The following NPFFR2 variants were observed in gnomAD, a reference collection of about 807,000 sequenced individuals.
NPFFR2 encodes the protein neuropeptide FF receptor 2.
A neutral mutation model predicts 13.1 loss-of-function variants in NPFFR2; 15 were observed. That is an observed-to-expected ratio of 1.15 (90% CI 0.77 to 1.76). The LOEUF is 1.76. Among genes scored for constraint, NPFFR2 ranks in the 40% most tolerant of loss-of-function variants. The pLI is 0.00. For missense variants in NPFFR2, 572 were observed against 503.5 expected (o/e 1.14, Z -1.30); for synonymous variants, 190 against 175.7 (o/e 1.08, Z -0.65).
chr4:72,115,635 T>A (rs991850421), intron 1 of NPFFR2, among the ~76,000 whole-genome samples: 2 of 152,164 alleles, frequency 1.3e-5, no homozygotes, highest in Admixed American at 1.3e-4. Flanking sequence ...GTAATTCTGA[T>A]CTTGGAGCCA....
chr4:72,105,934 G>A (rs1304986371), intron 1 of NPFFR2, among the ~76,000 whole-genome samples: 1 of 151,966 alleles, frequency 6.6e-6, no homozygotes, highest in Non-Finnish European at 1.5e-5. Context: ...TTCAGCTAAA[G>A]CCCCAAGACT....
chr4:72,088,614 G>A (rs1166439311), intron 1 of NPFFR2, among the ~76,000 whole-genome samples: 1 of 151,956 alleles, frequency 6.6e-6, no homozygotes, highest in Non-Finnish European at 1.5e-5. Context: ...AGCTAGGGAG[G>A]CTTCAGGAAA....
At chr4:72,136,644 G>GGGC (rs201244169) in intron 2 of NPFFR2, among the ~76,000 whole-genome samples, 2,067 of 152,262 alleles carry the variant, frequency 0.014, 37 homozygotes, top group African/African-American at 0.047. Context: ...TAGGAATGTA[G>GGGC]GGCTGGCTGT....
rs182469138 is a variant in NPFFR2 at position 72,120,891 on chromosome 4, A to C, written c.-7-7694A>C. Among the ~76,000 whole-genome samples, 768 of 152,286 alleles carry C rather than the reference A, an allele frequency of 5.0e-3. 6 individuals carry two copies. Among genetic ancestry groups the C allele is most frequent in the African/African-American group, 0.018 (738 of 41,562 alleles). On this transcript the variant is annotated intron_variant, in intron 1 of 3. Transcript: ENST00000308744. ...CCAGCAAAGGAACAAAACTGGATGG[A>C]GAATGAGTTTGACAAATTGACAGAA...
rs1722153075 is a variant in NPFFR2, at chr4:72,128,888, G to A, written c.297G>A (p.Met99Ile). Residue 99 changes from methionine (M) to isoleucine (I), a missense_variant, in exon 2 of 4, where the codon ATG becomes ATA. Transcript: ENST00000308744. The stretch of plus-strand genomic sequence containing the variant: ...ATTTACTAGTTGGCATATTCTGCAT[G>A]CCTATAACACTGCTGGACAATATTA... Reference protein sequence around the residue: ...ISDLLVGIFCMPITLLDNIIA... With the variant: ...ISDLLVGIFCIPITLLDNIIA... The A allele has an allele frequency of 1.2e-6, 2 of 1,613,592 alleles. No individual in the cohort carries two copies. The highest frequency in any genetic ancestry group is 1.7e-6 in the Non-Finnish European group (2 of 1,179,600).
At chr4:72,095,101 T>A (rs1560409607) in intron 1 of NPFFR2, among the ~76,000 whole-genome samples, 2 of 152,168 alleles carry the variant, frequency 1.3e-5, no homozygotes, top group African/African-American at 4.8e-5. Flanking sequence ...GTTAATGAAT[T>A]TTTTTTGAAA....
At chr4:72,087,715 G>GTCT (rs1720807713) in intron 1 of NPFFR2, among the ~76,000 whole-genome samples, 1 of 152,044 alleles carries the variant, frequency 6.6e-6, no homozygotes, top group Admixed American at 6.6e-5. Context: ...CTGCTTTTTA[G>GTCT]AAAGGAGTGG....
intron 1 of NPFFR2, among the ~76,000 whole-genome samples, chr4:72,080,580 C>T (rs1200879885): frequency 6.6e-6 from 1 of 152,100 alleles, no homozygotes; most frequent in Non-Finnish European, 1.5e-5. Context: ...TTTATTTTCT[C>T]ACAGTGACAT....
intron 1 of NPFFR2, among the ~76,000 whole-genome samples, chr4:72,045,623 G>C (rs1029313786): frequency 6.6e-6 from 1 of 152,146 alleles, no homozygotes; most frequent in African/African-American, 2.4e-5. Flanking sequence ...GCTTAGCCTA[G>C]CCTACCAGAA....
chr4:72,085,554 A>G (rs1011443389), intron 1 of NPFFR2, among the ~76,000 whole-genome samples: 3 of 152,174 alleles, frequency 2.0e-5, no homozygotes, highest in African/African-American at 7.2e-5. Flanking sequence ...CTTTCATTTC[A>G]GAGTTGTTTC....
intron 3 of NPFFR2, among the ~76,000 whole-genome samples, chr4:72,138,369 G>A (rs898894240): frequency 5.3e-5 from 8 of 151,920 alleles, no homozygotes; most frequent in South Asian, 2.1e-4. Context: ...CCATCAACTC[G>A]TCATTTACAT....
rs572304928 is a variant in NPFFR2 at position 72,077,304 on chromosome 4, A to G, written c.-8+45104A>G. Among the ~76,000 whole-genome samples the G allele has an allele frequency of 3.3e-5, 5 of 152,242 alleles. 1 individual carries two copies. In the East Asian group the frequency reaches 9.7e-4, roughly 29 times the overall value. ...CACAAGAAAATTTTGTTTCTACATAATATTTTATGAAAGTACTAAAAGCTA... is the reference window on the plus strand; with the variant it reads ...CACAAGAAAATTTTGTTTCTACATAGTATTTTATGAAAGTACTAAAAGCTA... On this transcript the variant is annotated intron_variant, in intron 1 of 3. Transcript: ENST00000308744.
intron 1 of NPFFR2, among the ~76,000 whole-genome samples, chr4:72,115,812 A>G (rs574399105): frequency 7.9e-5 from 12 of 152,150 alleles, no homozygotes; most frequent in Admixed American, 7.2e-4. Flanking sequence ...GTTTATTAAT[A>G]GTCTTCACTA....
chr4:72,135,429 C>T (rs1485243843), intron 2 of NPFFR2, among the ~76,000 whole-genome samples: 1 of 151,802 alleles, frequency 6.6e-6, no homozygotes, highest in Admixed American at 6.6e-5. Flanking sequence ...CATCTTTTTA[C>T]TTTAATTTTT....
At chr4:72,113,958 T>C (rs1294001670) in intron 1 of NPFFR2, among the ~76,000 whole-genome samples, 1 of 152,146 alleles carries the variant, frequency 6.6e-6, no homozygotes, top group Non-Finnish European at 1.5e-5. Context: ...CTTAATTTAT[T>C]AATGTTTTCT....
At chr4:72,081,869 T>C (rs1720634212) in intron 1 of NPFFR2, among the ~76,000 whole-genome samples, 1 of 152,154 alleles carries the variant, frequency 6.6e-6, no homozygotes, top group African/African-American at 2.4e-5. Context: ...AGTGAACAAT[T>C]GGAGAGGGAA....
intron 1 of NPFFR2, among the ~76,000 whole-genome samples, chr4:72,033,537 A>T (rs1453624581): frequency 6.6e-6 from 1 of 152,114 alleles, no homozygotes; most frequent in Non-Finnish European, 1.5e-5. Flanking sequence ...TTTTTCCAAA[A>T]TCCATACACC....
chr4:72,125,588 GT>G (rs112894561), intron 1 of NPFFR2, among the ~76,000 whole-genome samples: 21 of 152,056 alleles, frequency 1.4e-4, no homozygotes, highest in African/African-American at 4.8e-4. Context: ...GCAAGGCTGC[GT>G]TTTTTTTCTT....
intron 1 of NPFFR2, among the ~76,000 whole-genome samples, chr4:72,055,880 C>A (rs1279037864): frequency 1.3e-5 from 2 of 151,940 alleles, no homozygotes; most frequent in African/African-American, 4.8e-5. Flanking sequence ...GGCCCTAACT[C>A]TATTCAATTC....
Sources: allele counts gnomAD v4.1 joint callset (sites outside exome capture counted in the v4.1 genomes callset), GRCh38; gene constraint gnomAD v4.1.1; transcripts MANE v1.5; gene names NCBI Gene and HGNC (gene_info 2026-07-23, HGNC 2026-07-21).